The following LIMS1 variants were observed in gnomAD, a reference collection of about 807,000 sequenced individuals.
LIMS1 encodes LIM and senescent cell antigen-like-containing domain protein 1.
Under a neutral mutation model 44.1 loss-of-function variants are expected in LIMS1, and 18 were observed. The ratio of observed to expected loss-of-function variants is 0.41; its 90% CI spans 0.28 to 0.61. The LOEUF (loss-of-function observed/expected upper bound fraction) is 0.61. Ranked by LOEUF, LIMS1 falls within the 20% of genes least tolerant of loss-of-function variation. The pLI is 0.32. For synonymous variants in LIMS1, 93 were observed against 149.1 expected (o/e 0.62, Z 2.74); for missense variants, 201 against 422.0 (o/e 0.48, Z 4.59).
In LIMS1 at chr2:108,677,355, T is replaced by C. The variant is rs372686505; in HGVS notation, c.775-624T>C. On this transcript the variant is annotated intron_variant, in intron 7 of 9. Coordinates refer to ENST00000544547, the Ensembl canonical transcript of LIMS1. ...CTTAGATGAGGTTATACACAGCAGGTTGTGGCCTCATACAGTGGCAGGGCA... is the reference window on the plus strand; with the variant it reads ...CTTAGATGAGGTTATACACAGCAGGCTGTGGCCTCATACAGTGGCAGGGCA... 3.9e-5 allele frequency: 6 copies of C among 153,192 alleles called. No homozygotes were observed. The East Asian group carries it at 9.6e-4, about 25-fold the overall frequency. 9.5% of individuals were successfully genotyped at this position (153,192 alleles called of 1,614,324 possible).
chr2:108,615,599 T>C (rs981854475), intron 1 of LIMS1, among the ~76,000 whole-genome samples: 2 of 152,140 alleles, frequency 1.3e-5, no homozygotes, highest in African/African-American at 4.8e-5. Context: ...CCAGAGGCTG[T>C]TCAGGGTTCT....
chr2:108,618,894 C>T (rs1408264527), intron 1 of LIMS1, among the ~76,000 whole-genome samples: 2 of 151,340 alleles, frequency 1.3e-5, no homozygotes, highest in African/African-American at 4.8e-5. Flanking sequence ...TAATTTTACT[C>T]AGCTGTGGCA....
At chr2:108,609,716 G>A (rs960131250) in intron 1 of LIMS1, among the ~76,000 whole-genome samples, 1 of 152,200 alleles carries the variant, frequency 6.6e-6, no homozygotes, top group Non-Finnish European at 1.5e-5. Context: ...AAACCCAGGA[G>A]TCCTGACCTG....
chr2:108,613,718 G>A (rs1687780778), intron 1 of LIMS1, among the ~76,000 whole-genome samples: 2 of 152,108 alleles, frequency 1.3e-5, no homozygotes, highest in South Asian at 4.2e-4. Flanking sequence ...TTGGCTCTCA[G>A]GGTGAAGAAC....
At chr2:108,534,836 C>A (rs1409064048) in intron 1 of LIMS1, among the ~76,000 whole-genome samples, 1 of 152,094 alleles carries the variant, frequency 6.6e-6, no homozygotes, top group African/African-American at 2.4e-5. Context: ...GACGCCGCCC[C>A]GCTGCTCCGA....
chr2:108,629,348 A>G (rs1480358227), intron 1 of LIMS1, among the ~76,000 whole-genome samples: 1 of 152,232 alleles, frequency 6.6e-6, no homozygotes, highest in Non-Finnish European at 1.5e-5. Context: ...GATGGTCTTC[A>G]GAGATATATA....
At chr2:108,634,845 G>T (rs1030221627) in intron 1 of LIMS1, among the ~76,000 whole-genome samples, 2 of 152,238 alleles carry the variant, frequency 1.3e-5, no homozygotes, top group Non-Finnish European at 2.9e-5. Flanking sequence ...AGGAGCTGCT[G>T]TCCTAGCCAC....
chr2:108,594,990 C>G (rs185062266), intron 1 of LIMS1, among the ~76,000 whole-genome samples: 1 of 152,302 alleles, frequency 6.6e-6, no homozygotes, highest in Admixed American at 6.5e-5. Flanking sequence ...AAAGCAGCTT[C>G]ACCTGAGATG....
At chr2:108,597,815 C>T (rs1287105186) in intron 1 of LIMS1, among the ~76,000 whole-genome samples, 2 of 151,784 alleles carry the variant, frequency 1.3e-5, no homozygotes, top group Admixed American at 1.3e-4. Flanking sequence ...GCCTCAGCCT[C>T]CCGAATAGCT....
At chr2:108,684,384 AT>A (rs1181126520) in exon 10 of LIMS1, 1 of 152,366 alleles carries the variant, frequency 6.6e-6, no homozygotes, top group Admixed American at 6.5e-5. Flanking sequence ...TCAAAAGAAA[AT>A]TCCAACTGCT....
chr2:108,624,561 A>G (rs921981417), intron 1 of LIMS1, among the ~76,000 whole-genome samples: 1 of 151,968 alleles, frequency 6.6e-6, no homozygotes, highest in African/African-American at 2.4e-5. Flanking sequence ...GTTCAAGACC[A>G]GTCTGGCCAA....
chr2:108,628,083 G>C (rs1216803612), intron 1 of LIMS1, among the ~76,000 whole-genome samples: 1 of 152,238 alleles, frequency 6.6e-6, no homozygotes, highest in Non-Finnish European at 1.5e-5. Flanking sequence ...CTGCAGTGCT[G>C]AGTGTTCTTG....
chr2:108,685,769 C>T (rs1319315531), exon 10 of LIMS1: 1 of 152,034 alleles, frequency 6.6e-6, no homozygotes, highest in African/African-American at 2.4e-5. Flanking sequence ...GCAATGACAA[C>T]CTTGGGAGTA....
intron 1 of LIMS1, among the ~76,000 whole-genome samples, chr2:108,536,775 G>T (rs1343844697): frequency 1.3e-5 from 2 of 152,084 alleles, no homozygotes; most frequent in African/African-American, 4.8e-5. Flanking sequence ...TAGAAACAGG[G>T]TTTCGCCATG....
chr2:108,661,869 T>C (rs1012521217), intron 2 of LIMS1, among the ~76,000 whole-genome samples: 25 of 152,178 alleles, frequency 1.6e-4, no homozygotes, highest in Non-Finnish European at 3.1e-4. Flanking sequence ...GAATCCCTTC[T>C]GTATCCCTCC....
intron 7 of LIMS1, 130 bp from the exon 8 acceptor site, chr2:108,677,849 T>C: frequency 7.0e-7 from 1 of 1,433,734 alleles, no homozygotes; most frequent in Non-Finnish European, 9.3e-7. Context: ...TAAAAACTTG[T>C]CAAAGAACTT....
intron 1 of LIMS1, among the ~76,000 whole-genome samples, chr2:108,593,609 A>G (rs1686517396): frequency 6.6e-6 from 1 of 152,250 alleles, no homozygotes; most frequent in Non-Finnish European, 1.5e-5. Context: ...ATACTAAAAA[A>G]TGCCAAGTAT....
At chr2:108,592,168 G>C (rs1686439513) in intron 1 of LIMS1, among the ~76,000 whole-genome samples, 1 of 152,028 alleles carries the variant, frequency 6.6e-6, no homozygotes, top group Non-Finnish European at 1.5e-5. Context: ...GCCATATGTT[G>C]ATTGACCCAT....
intron 1 of LIMS1, among the ~76,000 whole-genome samples, chr2:108,542,178 C>T (rs1558779980): frequency 6.6e-6 from 1 of 152,134 alleles, no homozygotes. Flanking sequence ...TTTGGTTTAG[C>T]TTGACTCTAC....
Sources: gnomAD v4.1 joint callset for allele counts (sites outside exome capture counted in the v4.1 genomes callset) on GRCh38, gnomAD v4.1.1 for gene constraint, MANE v1.5 for transcripts, NCBI Gene and HGNC (gene_info 2026-07-23, HGNC 2026-07-21) for gene names.